NEGR1: variants seen among roughly 807,000 people sequenced by gnomAD.
The protein encoded by NEGR1 is IgLON family member 4.
Under a neutral mutation model 40.9 loss-of-function variants are expected in NEGR1, and 10 were observed. That is an observed-to-expected ratio of 0.24 (90% CI 0.15 to 0.42). NEGR1 has a LOEUF of 0.42. Among genes scored for constraint, NEGR1 ranks in the 10% least tolerant of loss-of-function variants. The probability of loss-of-function intolerance (pLI) is 1.00; values close to 1 mark genes in which losing one functional copy is unlikely to be tolerated. For missense variants in NEGR1, 352 were observed against 438.9 expected (o/e 0.80, Z 1.77); for synonymous variants, 185 against 166.8 (o/e 1.11, Z -0.84).
At chr1:72,110,551 T>G (rs1649320548) in intron 1 of NEGR1, among the ~76,000 whole-genome samples, 1 of 151,768 alleles carries the variant, frequency 6.6e-6, no homozygotes, top group South Asian at 2.1e-4. Context: ...GCTGAATTAT[T>G]ATTTTTAAAA....
chr1:71,473,709 C>T (rs181081175), intron 6 of NEGR1, among the ~76,000 whole-genome samples: 3 of 152,038 alleles, frequency 2.0e-5, no homozygotes, highest in Non-Finnish European at 4.4e-5. Flanking sequence ...TATGGATGTA[C>T]GGGGCATGGC....
chr1:71,683,442 T>G (rs1652906948), intron 4 of NEGR1, among the ~76,000 whole-genome samples: 2 of 141,760 alleles, frequency 1.4e-5, no homozygotes, highest in South Asian at 4.2e-4. Flanking sequence ...AGCTCAGAAC[T>G]TACATTTTTC....
intron 2 of NEGR1, among the ~76,000 whole-genome samples, chr1:71,876,052 G>T (rs1288633458): frequency 1.3e-5 from 2 of 152,020 alleles, no homozygotes; most frequent in Non-Finnish European, 2.9e-5. Flanking sequence ...ACTGAAATTG[G>T]TACTATCTAT....
chr1:72,195,587 C>T (rs1336151511), intron 1 of NEGR1, among the ~76,000 whole-genome samples: 1 of 151,112 alleles, frequency 6.6e-6, no homozygotes, highest in Non-Finnish European at 1.5e-5. Flanking sequence ...TATAAAAAAA[C>T]ACAAAATATT....
chr1:71,429,599 C>T (rs375483034), intron 6 of NEGR1, among the ~76,000 whole-genome samples: 8 of 152,270 alleles, frequency 5.3e-5, no homozygotes, highest in Admixed American at 1.3e-4. Context: ...TCTGGGACCT[C>T]TCCAGCCAGT....
intron 6 of NEGR1, among the ~76,000 whole-genome samples, chr1:71,510,464 T>G (rs1391907918): frequency 6.6e-6 from 1 of 152,134 alleles, no homozygotes; most frequent in Non-Finnish European, 1.5e-5. Context: ...ATCTAAGTAA[T>G]GCCAGCCGGC....
chr1:72,041,528 A>G (rs1420256374), intron 1 of NEGR1, among the ~76,000 whole-genome samples: 1 of 150,618 alleles, frequency 6.6e-6, no homozygotes, highest in African/African-American at 2.4e-5. Flanking sequence ...AGGACTAAAC[A>G]GTGGGTTAAC....
At chr1:72,145,380 A>C (rs1304336800) in intron 1 of NEGR1, among the ~76,000 whole-genome samples, 1 of 152,120 alleles carries the variant, frequency 6.6e-6, no homozygotes, top group Non-Finnish European at 1.5e-5. Context: ...ACTTCAAGTG[A>C]ATTGAGTTGT....
intron 6 of NEGR1, among the ~76,000 whole-genome samples, chr1:71,440,129 T>C (rs1285307724): frequency 1.3e-5 from 2 of 152,214 alleles, no homozygotes; most frequent in Admixed American, 6.5e-5. Context: ...CTAGTATGTA[T>C]TAAATGTTTC....
At chr1:71,671,893 CTTTTT>C (rs10708807) in intron 4 of NEGR1, among the ~76,000 whole-genome samples, 1 of 121,570 alleles carries the variant, frequency 8.2e-6, no homozygotes. Flanking sequence ...CTCTCTCTCT[CTTTTT>C]TTTTTTTTTT....
intron 6 of NEGR1, among the ~76,000 whole-genome samples, chr1:71,562,624 A>C (rs928324727): frequency 5.3e-5 from 8 of 151,974 alleles, no homozygotes; most frequent in Admixed American, 2.0e-4. Context: ...CCTTTTAAAA[A>C]TGTATGAAAT....
chr1:72,250,431 G>GA (rs1319105142), intron 1 of NEGR1, among the ~76,000 whole-genome samples: 4 of 151,880 alleles, frequency 2.6e-5, no homozygotes, highest in South Asian at 2.1e-4. Flanking sequence ...AATATGTTAG[G>GA]AAAAAAATGA....
At chr1:71,704,487 G>C (rs1653819198) in intron 3 of NEGR1, among the ~76,000 whole-genome samples, 2 of 151,696 alleles carry the variant, frequency 1.3e-5, no homozygotes, top group Non-Finnish European at 2.9e-5. Context: ...GAAAAATTAA[G>C]TAGCTATTAA....
chr1:71,952,715 A>G (rs1027682438), intron 1 of NEGR1, among the ~76,000 whole-genome samples: 1 of 151,928 alleles, frequency 6.6e-6, no homozygotes, highest in East Asian at 1.9e-4. Flanking sequence ...AGAGAAGTCA[A>G]TACCTGGTTT....
At chr1:71,957,708 C>T (rs1449699388) in intron 1 of NEGR1, among the ~76,000 whole-genome samples, 1 of 152,136 alleles carries the variant, frequency 6.6e-6, no homozygotes, top group African/African-American at 2.4e-5. Flanking sequence ...CCATTCTACC[C>T]ACTTTTATCA....
At chr1:71,837,652 AT>A (rs1659087487) in intron 2 of NEGR1, among the ~76,000 whole-genome samples, 1 of 152,104 alleles carries the variant, frequency 6.6e-6, no homozygotes, top group African/African-American at 2.4e-5. Context: ...TAAAGAGTAG[AT>A]AATCTTATGT....
chr1:72,127,126 A>G (rs1650050326), intron 1 of NEGR1, among the ~76,000 whole-genome samples: 1 of 152,214 alleles, frequency 6.6e-6, no homozygotes, highest in Admixed American at 6.5e-5. Context: ...GTGAATACTG[A>G]CAGCAATAAT....
intron 4 of NEGR1, among the ~76,000 whole-genome samples, chr1:71,644,696 G>A (rs1034984830): frequency 4.0e-5 from 6 of 151,894 alleles, no homozygotes; most frequent in Admixed American, 3.3e-4. Flanking sequence ...TGTCAACTAC[G>A]GTAAGGATTA....
At chr1:71,422,943 T>G (rs2101281757) in intron 6 of NEGR1, 1 of 152,328 alleles carries the variant, frequency 6.6e-6, no homozygotes, top group South Asian at 2.1e-4. Flanking sequence ...TAATACCAAT[T>G]ATCCTATAAA....
Sources: gnomAD v4.1 joint callset for allele counts (sites outside exome capture counted in the v4.1 genomes callset) on GRCh38, gnomAD v4.1.1 for gene constraint, MANE v1.5 for transcripts, NCBI Gene and HGNC (gene_info 2026-07-23, HGNC 2026-07-21) for gene names.